Variants in SH3PXD2A observed in about 807,000 individuals in gnomAD.
The protein encoded by SH3PXD2A is SH3 and PX domains 2A.
In SH3PXD2A, 32 loss-of-function variants were observed where a neutral mutation model predicts 115.2. The ratio of observed to expected loss-of-function variants is 0.28; its 90% CI spans 0.21 to 0.37. SH3PXD2A has a LOEUF of 0.37. SH3PXD2A is among the 10% of genes least tolerant of loss of function. The pLI is 1.00. For missense variants in SH3PXD2A, 1,328 were observed against 1,498.7 expected (o/e 0.89, Z 1.88); for synonymous variants, 610 against 629.1 (o/e 0.97, Z 0.45).
intron 1 of SH3PXD2A, among the ~76,000 whole-genome samples, chr10:103,852,519 G>T (rs1268754506): frequency 2.6e-5 from 4 of 152,346 alleles, no homozygotes; most frequent in Admixed American, 6.5e-5. Context: ...ACCATCAGCA[G>T]AGGAAAGGCT....
intron 5 of SH3PXD2A, among the ~76,000 whole-genome samples, chr10:103,717,572 G>C (rs1249894835): frequency 6.6e-6 from 1 of 152,170 alleles, no homozygotes; most frequent in South Asian, 2.1e-4. Context: ...AGATGCAAAG[G>C]TGGATCCTGG....
intron 5 of SH3PXD2A, among the ~76,000 whole-genome samples, chr10:103,719,490 C>A (rs2038151535): frequency 1.3e-5 from 2 of 152,194 alleles, no homozygotes; most frequent in Admixed American, 1.3e-4. Flanking sequence ...TGAATGACAA[C>A]AATCATTCAT....
intron 6 of SH3PXD2A, among the ~76,000 whole-genome samples, chr10:103,682,513 T>C (rs1279167382): frequency 6.6e-6 from 1 of 152,170 alleles, no homozygotes; most frequent in East Asian, 1.9e-4. Flanking sequence ...ATCGCAGCAC[T>C]TTGAGAGGCC....
At chr10:103,766,291 C>G (rs2038753761) in intron 3 of SH3PXD2A, among the ~76,000 whole-genome samples, 1 of 152,208 alleles carries the variant, frequency 6.6e-6, no homozygotes, top group Non-Finnish European at 1.5e-5. Context: ...GGGAAGCCCA[C>G]TGTGAAGGGA....
chr10:103,820,457 C>A (rs1460400492), intron 1 of SH3PXD2A, among the ~76,000 whole-genome samples: 1 of 152,198 alleles, frequency 6.6e-6, no homozygotes, highest in Non-Finnish European at 1.5e-5. Context: ...CGCCCCAATT[C>A]CCCGGTTCCT....
chr10:103,622,931 G>A (rs1239989993), intron 9 of SH3PXD2A, among the ~76,000 whole-genome samples: 1 of 152,212 alleles, frequency 6.6e-6, no homozygotes, highest in Non-Finnish European at 1.5e-5. Context: ...GCTGGGCGGT[G>A]CTGATTCCCA....
rs568224739 is a variant in SH3PXD2A at position 103,735,708 on chromosome 10, C to T, written c.306+24G>A. On this transcript the variant is annotated intron_variant, in intron 4 of 14. Transcript: ENST00000369774. The stretch of plus-strand genomic sequence containing the variant: ...CCCTGAAGCCCTCCCCGAGCCCCTC[C>T]CCCAGCCCCAGATACACTCTCACCC... The T allele has an allele frequency of 8.5e-5, 132 of 1,559,364 alleles. 2 individuals carry two copies. The South Asian group carries it at 1.4e-3, about 17-fold the overall frequency.
At position 103,665,923 on chromosome 10, in the gene SH3PXD2A, A is replaced by G. The variant is rs963363817; in HGVS notation, c.472+2685T>C. Among the ~76,000 whole-genome samples, 1 of 152,120 alleles carries G rather than the reference A, an allele frequency of 6.6e-6. No homozygotes were observed. Among genetic ancestry groups the G allele is most frequent in the Non-Finnish European group, 1.5e-5 (1 of 68,008 alleles). ...GCCTTTGCATGAGTCTGATCCAGAG[A>G]TGGACCCTTGTGCTTTATTACAGAG... On this transcript the variant is annotated intron_variant, in intron 7 of 14. Transcript: ENST00000369774. The surrounding 1 kb of genome is among the most constrained non-coding windows in gnomAD (Gnocchi z 4.0).
chr10:103,671,438 C>T (rs959651299), intron 6 of SH3PXD2A, among the ~76,000 whole-genome samples: 12 of 152,174 alleles, frequency 7.9e-5, no homozygotes, highest in African/African-American at 2.2e-4. Context: ...CGTATCTCTC[C>T]GTAAAGGAAA....
At position 103,660,240 on chromosome 10, in the gene SH3PXD2A, G is replaced by A. The variant is rs537987703; in HGVS notation, c.604+743C>T. Reference sequence around the variant, plus strand: ...CCCAGCCCTGGCCCTGTTGGGGGCCGAACAAGCCTGGACTGACAGGCTTGG... The same window carrying A: ...CCCAGCCCTGGCCCTGTTGGGGGCCAAACAAGCCTGGACTGACAGGCTTGG... On this transcript the variant is annotated intron_variant, in intron 8 of 14. Transcript: ENST00000369774. Among the ~76,000 whole-genome samples the A allele has an allele frequency of 4.4e-3, 677 of 152,234 alleles. 2 individuals are homozygous for A. Among genetic ancestry groups the A allele is most frequent in the African/African-American group, 0.016 (647 of 41,516 alleles).
intron 2 of SH3PXD2A, among the ~76,000 whole-genome samples, chr10:103,790,044 C>T (rs563738563): frequency 1.1e-3 from 164 of 152,298 alleles, no homozygotes; most frequent in East Asian, 5.2e-3. Flanking sequence ...CTCTTTGCAA[C>T]GGCAGCTTCT....
At chr10:103,606,432 TAAAAAAAA>T (rs533450822) in intron 13 of SH3PXD2A, among the ~76,000 whole-genome samples, 73 of 8,148 alleles carry the variant, frequency 9.0e-3, no homozygotes, top group African/African-American at 0.031. Context: ...AAGAATTTGC[TAAAAAAAA>T]AAAAAAAAAA....
At chr10:103,766,482 T>A (rs1183335129) in intron 3 of SH3PXD2A, among the ~76,000 whole-genome samples, 1 of 152,200 alleles carries the variant, frequency 6.6e-6, no homozygotes, top group Admixed American at 6.5e-5. Flanking sequence ...GAGATTATAG[T>A]ACACACCTCG....
rs183395809 is a variant in SH3PXD2A at position 103,689,235 on chromosome 10, A to G, written c.427+3793T>C. ...GTGGAGAATGTCAGATAGAGGTCTA[A>G]TAGAGAAGCAGTGAGACCAGGTAGG... On this transcript the variant is annotated intron_variant, in intron 6 of 14. Transcript: ENST00000369774. Among the ~76,000 whole-genome samples the G allele has an allele frequency of 2.6e-5, 4 of 152,240 alleles. No individual in the cohort carries two copies. The East Asian group carries it at 7.7e-4, about 29-fold the overall frequency.
In SH3PXD2A at chr10:103,767,035, G is replaced by A. The variant is rs910057416; in HGVS notation, c.229+59C>T. On this transcript the variant is annotated intron_variant, in intron 3 of 14. Coordinates refer to ENST00000369774, the MANE Select transcript of SH3PXD2A (RefSeq NM_001394015.1). ...TGCTTAGTACTCTTCTCGGCCTAAGGGAAGGACTGGTCCTTCCCGGGTATC... is the reference window on the plus strand; with the variant it reads ...TGCTTAGTACTCTTCTCGGCCTAAGAGAAGGACTGGTCCTTCCCGGGTATC... 1.5e-5 allele frequency: 20 copies of A among 1,328,518 alleles called. No homozygotes were observed. In the African/African-American group the frequency reaches 1.9e-4, roughly 12 times the overall value. 82.3% of individuals were successfully genotyped at this position (1,328,518 alleles called of 1,614,324 possible).
intron 6 of SH3PXD2A, among the ~76,000 whole-genome samples, chr10:103,674,742 C>T (rs1186954061): frequency 2.0e-5 from 3 of 152,130 alleles, no homozygotes; most frequent in Non-Finnish European, 4.4e-5. Flanking sequence ...ATTGCTTGAA[C>T]CTGGGAAGTG....
chr10:103,668,749 G>A (rs1290272948), intron 6 of SH3PXD2A, 97 bp from the exon 7 acceptor site: 10 of 1,089,406 alleles, frequency 9.2e-6, no homozygotes, highest in East Asian at 7.8e-5. Flanking sequence ...GGCTGCAGGC[G>A]CCGCGCTCGG....
At chr10:103,698,434 G>C (rs986478335) in intron 5 of SH3PXD2A, among the ~76,000 whole-genome samples, 1 of 152,236 alleles carries the variant, frequency 6.6e-6, no homozygotes, top group Admixed American at 6.5e-5. Flanking sequence ...TTGGCTGCTG[G>C]GCCCAGGATG....
intron 2 of SH3PXD2A, among the ~76,000 whole-genome samples, chr10:103,785,515 GGCCCAGGGAAGGGAGGAAGCAGTCACT>G (rs2038972241): frequency 6.6e-6 from 1 of 152,152 alleles, no homozygotes; most frequent in Non-Finnish European, 1.5e-5. Context: ...GGCACAGCAT[GGCCCAGGGAAGGGAGGAAGCAGTCACT>G]GCTCTTCTGG....
Sources: allele counts gnomAD v4.1 joint callset (sites outside exome capture counted in the v4.1 genomes callset), GRCh38; gene constraint gnomAD v4.1.1; non-coding constraint Gnocchi (gnomAD v3.1); transcripts MANE v1.5; gene names NCBI Gene and HGNC (gene_info 2026-07-23, HGNC 2026-07-21).